The following VNN1 variants were observed in gnomAD, a reference collection of about 807,000 sequenced individuals.
VNN1 encodes pantetheinase.
A neutral mutation model predicts 41.9 loss-of-function variants in VNN1; 29 were observed. That is an observed-to-expected ratio of 0.69 (90% CI 0.52 to 0.94). The LOEUF is 0.94. VNN1 is among the 40% of genes least tolerant of loss of function. The pLI is 0.00. For missense variants in VNN1, 637 were observed against 621.1 expected (o/e 1.03, Z -0.27); for synonymous variants, 233 against 224.4 (o/e 1.04, Z -0.34).
chr6:132,683,168 G>A lies in VNN1; in HGVS notation c.1514C>T (p.Ala505Val). Residue 505 changes from alanine to valine, a missense_variant, in exon 7 of 7, where the codon GCA becomes GTA. Coordinates refer to ENST00000367928, the MANE Select transcript of VNN1 (RefSeq NM_004666.3). ...CCAACTTAATGAGCATACAATAGGT[G>A]CTATAACTATTAGCATTATTATTCT... ...QARIIMLIVI[A>V]PIVCSLSW is the part of the protein sequence containing the mutation. 6.2e-7 allele frequency: 1 copy of A among 1,613,414 alleles called. No individual in the cohort carries two copies. Among genetic ancestry groups the A allele is most frequent in the Non-Finnish European group, 8.5e-7 (1 of 1,179,804 alleles).
At chr6:132,692,984 TGA>T (rs1343606020) in intron 4 of VNN1, 38 bp downstream of exon 4, 11 of 1,533,280 alleles carry the variant, frequency 7.2e-6, no homozygotes, top group Admixed American at 2.2e-5. Flanking sequence ...TTTTCTTTTC[TGA>T]TTACATCAGC....
rs893495450 is a variant in VNN1, at chr6:132,713,869, T to C, written c.167A>G (p.Asn56Ser). The change falls in exon 1 of 7, where the codon AAT becomes AGT. Residue 56 changes from asparagine to serine, a missense_variant. Asn to Ser is a conservative substitution (Grantham distance 46, BLOSUM62 1). Transcript: ENST00000367928. ...REEALALMNR[N>S]LDILEGAITS... ...GATCGCTCCTTCCAAAATGTCCAGA[T>C]TCCGATTCATTAATGCCAAAGCCTC... The C allele has an allele frequency of 6.2e-7, 1 of 1,613,586 alleles. No homozygotes were observed. Among genetic ancestry groups the C allele is most frequent in the Admixed American group, 1.7e-5 (1 of 60,024 alleles).
intron 2 of VNN1, among the ~76,000 whole-genome samples, chr6:132,708,107 AAAC>A (rs899595469): frequency 2.6e-5 from 4 of 152,228 alleles, no homozygotes; most frequent in African/African-American, 9.6e-5. Flanking sequence ...TAATTAACAA[AAAC>A]AGTTGAATAA....
Position 132,693,115 on chromosome 6 carries a change from C to G in VNN1, c.735G>C (p.Leu245Phe). Residue 245 changes from leucine (L) to phenylalanine (F), a missense_variant, in exon 4 of 7, where the codon TTG becomes TTC. Transcript: ENST00000367928. ...PTAWMNVLPH[L>F]SAVEFHSAWA... Reference sequence around the variant, plus strand: ...AAGCTGAGTGGAATTCAACAGCTGACAAATGTGGCAAAACATTCATCCAAG... The same window carrying G: ...AAGCTGAGTGGAATTCAACAGCTGAGAAATGTGGCAAAACATTCATCCAAG... The G allele has an allele frequency of 1.9e-6, 3 of 1,614,086 alleles. No homozygotes were observed. Among genetic ancestry groups the G allele is most frequent in the Non-Finnish European group, 2.5e-6 (3 of 1,180,016 alleles).
At chr6:132,687,867 G>A (rs1470961699) in intron 5 of VNN1, among the ~76,000 whole-genome samples, 1 of 152,018 alleles carries the variant, frequency 6.6e-6, no homozygotes, top group Non-Finnish European at 1.5e-5. Flanking sequence ...AATAACTTTA[G>A]GAAAAACAAA....
intron 5 of VNN1, among the ~76,000 whole-genome samples, chr6:132,689,780 A>C (rs952150060): frequency 3.9e-5 from 6 of 152,158 alleles, no homozygotes; most frequent in African/African-American, 1.4e-4. Flanking sequence ...TTCTAATTCT[A>C]GTATCTCCCT....
chr6:132,706,422 A>G (rs1189384164), intron 2 of VNN1, among the ~76,000 whole-genome samples: 2 of 152,240 alleles, frequency 1.3e-5, no homozygotes, highest in Non-Finnish European at 2.9e-5. Flanking sequence ...AGTTTTTTCA[A>G]TAAATGGTGC....
intron 4 of VNN1, 65 bp from the exon 5 acceptor site, chr6:132,692,649 A>G (rs1778309761): frequency 6.7e-7 from 1 of 1,497,764 alleles, no homozygotes; most frequent in Non-Finnish European, 8.8e-7. Context: ...CATAATTGTT[A>G]TTACTATTTT....
At chr6:132,693,536 T>A (rs1035336418) in intron 3 of VNN1, among the ~76,000 whole-genome samples, 3 of 152,220 alleles carry the variant, frequency 2.0e-5, no homozygotes, top group African/African-American at 7.2e-5. Flanking sequence ...GGTATCTTTA[T>A]CTATAAAGAC....
intron 2 of VNN1, among the ~76,000 whole-genome samples, chr6:132,694,554 G>C (rs1371379859): frequency 6.6e-6 from 1 of 152,054 alleles, no homozygotes; most frequent in Non-Finnish European, 1.5e-5. Flanking sequence ...ACAGAAGAGA[G>C]GCATTAAAAA....
At chr6:132,691,053 T>C (rs1188934381) in intron 5 of VNN1, among the ~76,000 whole-genome samples, 1 of 152,158 alleles carries the variant, frequency 6.6e-6, no homozygotes, top group Non-Finnish European at 1.5e-5. Context: ...CTGCATATGC[T>C]AGCAAATAGG....
chr6:132,689,032 GC>G (rs987481681), intron 5 of VNN1, among the ~76,000 whole-genome samples: 28 of 152,242 alleles, frequency 1.8e-4, no homozygotes, highest in African/African-American at 6.3e-4. Flanking sequence ...GGGATTGCAG[GC>G]GCCTGCCACC....
chr6:132,693,095 G>A lies in VNN1; in HGVS notation c.755C>T (p.Ser252Leu), dbSNP rs1320825704. The A allele has an allele frequency of 1.9e-6, 3 of 1,614,078 alleles. No individual in the cohort carries two copies. Among genetic ancestry groups the A allele is most frequent in the South Asian group, 2.2e-5 (2 of 91,080 alleles). The part of the protein sequence containing the change: ...LPHLSAVEFH[S>L]AWAMGMRVNF... ...GACCCTCATGCCCATAGCCCAAGCT[G>A]AGTGGAATTCAACAGCTGACAAATG... Residue 252 changes from serine to leucine, a missense_variant, in exon 4 of 7, where the codon TCA (serine) becomes TTA (leucine). Transcript: ENST00000367928.
chr6:132,684,024 T>C (rs1045623315), intron 6 of VNN1, among the ~76,000 whole-genome samples: 1 of 152,172 alleles, frequency 6.6e-6, no homozygotes. Flanking sequence ...CCAGTGGTCC[T>C]AAGGGGCTCC....
chr6:132,697,131 T>A (rs1199138326), intron 2 of VNN1, among the ~76,000 whole-genome samples: 1 of 139,566 alleles, frequency 7.2e-6, no homozygotes, highest in Non-Finnish European at 1.6e-5. Flanking sequence ...TAAAAATATT[T>A]TAAAAAAAGA....
chr6:132,691,967 G>C (rs1383930858), intron 5 of VNN1, among the ~76,000 whole-genome samples: 2 of 149,844 alleles, frequency 1.3e-5, no homozygotes, highest in Non-Finnish European at 1.5e-5. Flanking sequence ...ATGCACCACT[G>C]CACTCCAGCT....
Position 132,684,343 on chromosome 6 carries a change from C to A in VNN1, c.1351G>T (p.Glu451Ter), listed in dbSNP as rs752213956. 2.2e-5 allele frequency: 36 copies of A among 1,609,890 alleles called. No individual in the cohort carries two copies. The highest frequency in any genetic ancestry group is 2.8e-5 in the Non-Finnish European group (33 of 1,177,760). Reference sequence around the variant, plus strand: ...TATTCGAAGATTCTTACCTGAAATTCTCCAGGTGCAAGCTGATTTTCACTC... The same window carrying A: ...TATTCGAAGATTCTTACCTGAAATTATCCAGGTGCAAGCTGATTTTCACTC... Reference protein sequence around the residue: ...LLSENQLAPGEFQVSTDGRLF... With the variant: ...LLSENQLAPG The change falls in exon 6 of 7, where the codon GAA (glutamate) becomes TAA (stop). Residue 451 changes from glutamate to a stop codon, truncating the protein, a stop_gained. Coordinates refer to ENST00000367928, the MANE Select transcript of VNN1 (RefSeq NM_004666.3). LOFTEE classifies it low-confidence loss of function (END_TRUNC).
At chr6:132,699,093 TA>T in intron 2 of VNN1, 1 of 286,420 alleles carries the variant, frequency 3.5e-6, no homozygotes, top group South Asian at 4.4e-5. Flanking sequence ...TATTCGGCTG[TA>T]AAATCAATAG....
rs780073238 is a variant in VNN1, at chr6:132,692,436, C to A, written c.975G>T (p.Ala325=). 1 of 1,613,968 alleles carries A rather than the reference C, an allele frequency of 6.2e-7. No individual in the cohort carries two copies. The highest frequency in any genetic ancestry group is 1.7e-5 in the Admixed American group (1 of 59,994). ...TAAATTCCTTGTTTCCTGATGAGAG[C>A]GCTTCTATACTGCTGGCATAGGAAG... ...NWTSYASSIE[A]LSSGNKEFKG... is the part of the protein sequence containing the mutation. The change falls in exon 5 of 7, where the codon GCG becomes GCT. Residue 325 remains alanine, a synonymous_variant. Transcript: ENST00000367928.
Sources: gnomAD v4.1 joint callset for allele counts (sites outside exome capture counted in the v4.1 genomes callset) on GRCh38, gnomAD v4.1.1 for gene constraint, MANE v1.5 for transcripts, NCBI Gene and HGNC (gene_info 2026-07-23, HGNC 2026-07-21) for gene names.